Variants in RHOC observed in about 807,000 individuals in gnomAD.
The protein encoded by RHOC is ras homolog family member C, also known as rho-related GTP-binding protein RhoC.
In RHOC, 13 loss-of-function variants were observed where a neutral mutation model predicts 19.5. The ratio of observed to expected loss-of-function variants is 0.67; its 90% CI spans 0.43 to 1.06. RHOC has a LOEUF of 1.06. Among genes scored for constraint, RHOC ranks in the 50% least tolerant of loss-of-function variants. RHOC has a pLI of 0.00. For synonymous variants in RHOC, 106 were observed against 97.3 expected (o/e 1.09, Z -0.52); for missense variants, 173 against 256.9 (o/e 0.67, Z 2.23).
chr1:112,702,919 G>GA, intron 4 of RHOC, 80 bp downstream of exon 4: 1 of 1,254,742 alleles, frequency 8.0e-7, no homozygotes, highest in Non-Finnish European at 1.2e-6. Context: ...CACCTCTGAA[G>GA]ATGACTGAAG....
In RHOC at chr1:112,705,186, G is replaced by C; in HGVS notation, c.-76-18C>G. 1 of 702,440 alleles carries C rather than the reference G, an allele frequency of 1.4e-6. No individual in the cohort carries two copies. The highest frequency in any genetic ancestry group is 2.6e-6 in the Non-Finnish European group (1 of 384,944). The allele number at this position is 702,440 out of a possible 1,614,324, so 43.5% of individuals were successfully genotyped here. On this transcript the variant is annotated intron_variant, in intron 1 of 5. Transcript: ENST00000339083. ...AGTCAAGGCTGTTGGGAAGGGGGAG[G>C]GGGCTAGAGTCTGGGCTGGGAGGAG...
chr1:112,705,771 G>T (rs1270280118), intron 1 of RHOC: 7 of 424,886 alleles, frequency 1.6e-5, no homozygotes, highest in South Asian at 1.2e-4. Flanking sequence ...CCCCAACCTG[G>T]GGTGGGCAGT....
At position 112,701,152 on chromosome 1, in the gene RHOC, C is replaced by T. The variant is rs1359902153; in HGVS notation, c.*388G>A. On this transcript the variant is annotated 3_prime_UTR_variant, in exon 6 of 6. Transcript: ENST00000339083. ...CACGTTGGAGCCTGTAGCCTTTATT[C>T]ATGCCCCCCTGACCAAATGCAGTGA... is the stretch of plus-strand genomic sequence containing the variant. 3 of 495,558 alleles carry T rather than the reference C, an allele frequency of 6.1e-6. No individual in the cohort carries two copies. The highest frequency in any genetic ancestry group is 1.1e-5 in the Non-Finnish European group (3 of 277,804). The allele number at this position is 495,558 out of a possible 1,614,324, so 30.7% of individuals were successfully genotyped here. A position where few individuals can be genotyped will look rare whatever the true frequency, so the allele number is the denominator to read the frequency against.
rs1425828567 is a variant in RHOC at position 112,701,159 on chromosome 1, C to T, written c.*381G>A. 2 of 518,690 alleles carry T rather than the reference C, an allele frequency of 3.9e-6. No homozygotes were observed. The highest frequency in any genetic ancestry group is 3.3e-5 in the Admixed American group (1 of 30,294). The allele number at this position is 518,690 out of a possible 1,614,324, so 32.1% of individuals were successfully genotyped here. A position where few individuals can be genotyped will look rare whatever the true frequency, so the allele number is the denominator to read the frequency against. On this transcript the variant is annotated 3_prime_UTR_variant, in exon 6 of 6. Transcript: ENST00000339083. ...GAGCCTGTAGCCTTTATTCATGCCC[C>T]CCTGACCAAATGCAGTGAGAGACAA...
chr1:112,704,768 C>G (rs890190520), intron 2 of RHOC: 29 of 291,690 alleles, frequency 9.9e-5, no homozygotes, highest in African/African-American at 2.5e-4. Context: ...CTTCCTCCCC[C>G]CTTCCTCCTA....
intron 1 of RHOC, among the ~76,000 whole-genome samples, chr1:112,706,451 ACACACACACACAC>A (rs1674856154): frequency 4.2e-5 from 1 of 23,574 alleles, no homozygotes; most frequent in African/African-American, 1.2e-4. Context: ...ACACACACAC[ACACACACACACAC>A]CACACACACA....
Position 112,703,648 on chromosome 1 carries a change from TTGCCG to T in RHOC, c.147_151del (p.Asp49GlufsTer17). On this transcript the variant is annotated frameshift_variant, in exon 3 of 6. Coordinates refer to ENST00000339083, the MANE Select transcript of RHOC (RefSeq NM_175744.5). LOFTEE classifies it high-confidence loss of function. ...GAAGGGCATTTCTGCCTTCACCTGC[TTGCCG>T]TCCACCTCAATGTCCGCAATATAGT... 3 of 1,612,192 alleles carry T rather than the reference TTGCCG, an allele frequency of 1.9e-6. No individual in the cohort carries two copies. The highest frequency in any genetic ancestry group is 1.7e-6 in the Non-Finnish European group (2 of 1,179,056).
chr1:112,704,644 G>A (rs541258827), intron 2 of RHOC: 30 of 187,050 alleles, frequency 1.6e-4, no homozygotes, highest in African/African-American at 6.7e-4. Context: ...ACAGAGGACA[G>A]GGGTAGCAGC....
intron 3 of RHOC, 181 bp downstream of exon 3, chr1:112,703,463 G>A (rs1173959892): frequency 2.7e-6 from 2 of 740,158 alleles, no homozygotes; most frequent in Admixed American, 2.0e-5. Flanking sequence ...CCAGTCTGTG[G>A]GAGAACCAGA....
chr1:112,703,190 A>G (rs1371264107), intron 3 of RHOC, 71 bp from the exon 4 acceptor site: 1 of 1,581,374 alleles, frequency 6.3e-7, no homozygotes, highest in African/African-American at 1.3e-5. Context: ...CCCTGAAACC[A>G]CTGTCCTTCG....
Position 112,702,669 on chromosome 1 carries a change from G to A in RHOC, c.302C>T (p.Pro101Leu). Residue 101 changes from proline (P) to leucine (L), a missense_variant, in exon 5 of 6, where the codon CCA becomes CTA. Coordinates refer to ENST00000339083, the MANE Select transcript of RHOC (RefSeq NM_175744.5). ...GTTGGGGCAGAAGTGCTTCACCTCT[G>A]GGGTCCACTTCTCAGGAATGTTTTC... ...SLENIPEKWT[P>L]EVKHFCPNVP... 6.2e-7 allele frequency: 1 copy of A among 1,614,096 alleles called. No individual in the cohort carries two copies. Among genetic ancestry groups the A allele is most frequent in the Non-Finnish European group, 8.5e-7 (1 of 1,180,010 alleles).
chr1:112,703,153 G>A, intron 3 of RHOC, 34 bp from the exon 4 acceptor site: 1 of 1,611,978 alleles, frequency 6.2e-7, no homozygotes, highest in South Asian at 1.1e-5. Flanking sequence ...GCTGGCCTGA[G>A]GGCCCCAACC....
At chr1:112,706,460 CACACCACACACACACACACACACACACA>C (rs1557780580) in intron 1 of RHOC, among the ~76,000 whole-genome samples, 8 of 21,594 alleles carry the variant, frequency 3.7e-4, no homozygotes, top group Middle Eastern at 0.029. Flanking sequence ...CACACACACA[CACACCACACACACACACACACACACACA>C]CACACACACA....
At chr1:112,706,482 A>ACACACACACAC (rs1674879652) in intron 1 of RHOC, among the ~76,000 whole-genome samples, 2 of 19,036 alleles carry the variant, frequency 1.1e-4, no homozygotes, top group African/African-American at 2.6e-4. Flanking sequence ...ACACACACAC[A>ACACACACACAC]CACACACACA....
At chr1:112,706,517 C>CACACACACACACACAAACACAA (rs1674896270) in intron 1 of RHOC, among the ~76,000 whole-genome samples, 1 of 71,300 alleles carries the variant, frequency 1.4e-5, no homozygotes, top group Non-Finnish European at 2.9e-5. Flanking sequence ...CACACACACA[C>CACACACACACACACAAACACAA]ACACACACAC....
rs766734264 is a variant in RHOC, at chr1:112,701,596, G to A, written c.526C>T (p.Arg176Trp). 6.8e-6 allele frequency: 11 copies of A among 1,613,970 alleles called. No individual in the cohort carries two copies. The highest frequency in any genetic ancestry group is 1.7e-5 in the Admixed American group (1 of 60,002). The change falls in exon 6 of 6, where the codon CGG becomes TGG. Residue 176 changes from arginine to tryptophan, a missense_variant. By Grantham distance (101) the Arg-to-Trp change is moderately radical. This residue lies in a region of RHOC where 81 missense variants were observed against 85.8 expected (regional missense o/e 0.94). Coordinates refer to ENST00000339083, the MANE Select transcript of RHOC (RefSeq NM_175744.5). ...GVREVFEMAT[R>W]AGLQVRKNKR... ...TTCTTGCGGACCTGGAGGCCAGCCC[G>A]AGTGGCCATCTCAAACACCTCCCGC... is the stretch of plus-strand genomic sequence containing the variant.
chr1:112,701,276 T>C lies in RHOC; in HGVS notation c.*264A>G. 1.2e-6 allele frequency: 1 copy of C among 858,256 alleles called. No homozygotes were observed. The allele number at this position is 858,256 out of a possible 1,614,324, so 53.2% of individuals were successfully genotyped here. ...GAGCCAGAAGTGTATAAAGTGCTGG[T>C]GTGTGACCATCCTTTGGGGAAGGTC... is the stretch of plus-strand genomic sequence containing the variant. On this transcript the variant is annotated 3_prime_UTR_variant, in exon 6 of 6. Coordinates refer to ENST00000339083, the MANE Select transcript of RHOC (RefSeq NM_175744.5).
rs182603226 is a variant in RHOC, at chr1:112,702,714, A to G, written c.278-21T>C. 2.8e-5 allele frequency: 45 copies of G among 1,613,792 alleles called. No homozygotes were observed. The East Asian group carries it at 6.9e-4, about 25-fold the overall frequency. On this transcript the variant is annotated intron_variant, in intron 4 of 5. Transcript: ENST00000339083. ...GTTTTCTGTGTAGACATGCACCAACAGGTGTCGGTGCCTCCACTTAAGCTA... is the reference window on the plus strand; with the variant it reads ...GTTTTCTGTGTAGACATGCACCAACGGGTGTCGGTGCCTCCACTTAAGCTA...
At chr1:112,702,091 C>T (rs1462348372) in intron 5 of RHOC, among the ~76,000 whole-genome samples, 1 of 152,180 alleles carries the variant, frequency 6.6e-6, no homozygotes, top group Non-Finnish European at 1.5e-5. Context: ...ATTTCTTATC[C>T]TGACAGCTTT....
Sources: gnomAD v4.1 joint callset for allele counts (sites outside exome capture counted in the v4.1 genomes callset) on GRCh38, gnomAD v4.1.1 for gene constraint, gnomAD v4.1.1 regional missense constraint, MANE v1.5 for transcripts, NCBI Gene and HGNC (gene_info 2026-07-23, HGNC 2026-07-21) for gene names.